The following LRRTM4 variants were observed in gnomAD, a reference collection of about 807,000 sequenced individuals.
The protein encoded by LRRTM4 is leucine-rich repeat transmembrane neuronal protein 4.
LRRTM4 carries 25 observed loss-of-function variants against 47.6 expected under a neutral mutation model. The observed-to-expected ratio is 0.53, with a 90% CI of 0.38 to 0.73. The LOEUF is 0.73. LRRTM4 is among the 30% of genes least tolerant of loss of function. The pLI, the probability that LRRTM4 is intolerant of heterozygous loss-of-function variation, is 0.00. For synonymous variants in LRRTM4, 311 were observed against 269.5 expected (o/e 1.15, Z -1.51); for missense variants, 638 against 713.4 (o/e 0.89, Z 1.20).
intron 3 of LRRTM4, among the ~76,000 whole-genome samples, chr2:76,935,599 T>TTC (rs1674919529): frequency 6.6e-6 from 1 of 152,204 alleles, no homozygotes; most frequent in African/African-American, 2.4e-5. Flanking sequence ...AGGTATTTTA[T>TTC]TCTCTTAGTA....
chr2:77,129,129 A>G, intron 3 of LRRTM4, among the ~76,000 whole-genome samples: 1 of 152,158 alleles, frequency 6.6e-6, no homozygotes. Flanking sequence ...AAATCTTTAT[A>G]TGAACATGGT....
chr2:76,910,180 GT>G (rs1239034275), intron 3 of LRRTM4, among the ~76,000 whole-genome samples: 9 of 152,116 alleles, frequency 5.9e-5, no homozygotes, highest in Admixed American at 1.3e-4. Flanking sequence ...AAAATGATAA[GT>G]TTATGTCCTT....
chr2:77,482,028 C>A (rs1474632441), intron 3 of LRRTM4, among the ~76,000 whole-genome samples: 2 of 152,024 alleles, frequency 1.3e-5, no homozygotes, highest in Non-Finnish European at 2.9e-5. Context: ...TTCTAACCAG[C>A]TAGATGAAGA....
At position 76,796,218 on chromosome 2, in the gene LRRTM4, A is replaced by C. The variant is rs561247490; in HGVS notation, c.1552-47302T>G. The stretch of plus-strand genomic sequence containing the variant: ...GCACAGCAGTCTGAGATCAAACTGC[A>C]AGGCGGCAGCCAGGCTGGGGGAGGG... On this transcript the variant is annotated intron_variant, in intron 3 of 3. Transcript: ENST00000409884. Among the ~76,000 whole-genome samples the C allele has an allele frequency of 1.2e-4, 15 of 123,990 alleles. 1 individual carries two copies. The highest frequency in any genetic ancestry group is 4.7e-4 in the African/African-American group (14 of 29,924). The allele number at this position is 123,990 out of a possible 152,430, so 81.3% of individuals were successfully genotyped here.
intron 3 of LRRTM4, among the ~76,000 whole-genome samples, chr2:77,347,761 A>C (rs1259677125): frequency 6.6e-6 from 1 of 152,134 alleles, no homozygotes; most frequent in African/African-American, 2.4e-5. Flanking sequence ...TATTGTGTTC[A>C]TGAACCTGTA....
intron 3 of LRRTM4, among the ~76,000 whole-genome samples, chr2:76,868,479 T>C (rs1672528326): frequency 6.6e-6 from 1 of 152,196 alleles, no homozygotes; most frequent in South Asian, 2.1e-4. Flanking sequence ...CTGTTCGTGG[T>C]TAATTTTTCC....
chr2:77,375,574 C>T (rs1460246691), intron 3 of LRRTM4, among the ~76,000 whole-genome samples: 1 of 151,674 alleles, frequency 6.6e-6, no homozygotes, highest in Non-Finnish European at 1.5e-5. Flanking sequence ...AAATATACAC[C>T]TGAATAACAA....
intron 3 of LRRTM4, among the ~76,000 whole-genome samples, chr2:77,146,999 T>C (rs528339129): frequency 6.6e-6 from 1 of 152,200 alleles, no homozygotes; most frequent in Non-Finnish European, 1.5e-5. Context: ...GCAAATCTGA[T>C]TTTATAAAAA....
intron 3 of LRRTM4, among the ~76,000 whole-genome samples, chr2:77,514,622 C>T (rs1271190283): frequency 6.6e-6 from 1 of 151,956 alleles, no homozygotes; most frequent in East Asian, 1.9e-4. Flanking sequence ...ACTATAGGAT[C>T]ATTAAACTTT....
chr2:77,101,740 A>T lies in LRRTM4; in HGVS notation c.1552-352824T>A, dbSNP rs908611855. On this transcript the variant is annotated intron_variant, in intron 3 of 3. Transcript: ENST00000409884. ...CAGCTAGTCATTTAGACTAATTTGGAAACTGAATATGTTAACTCTAAAGAC... is the reference window on the plus strand; with the variant it reads ...CAGCTAGTCATTTAGACTAATTTGGTAACTGAATATGTTAACTCTAAAGAC... Among the ~76,000 whole-genome samples, 3 of 152,176 alleles carry T rather than the reference A, an allele frequency of 2.0e-5. No individual in the cohort carries two copies. The South Asian group carries it at 6.2e-4, about 31-fold the overall frequency.
chr2:77,417,152 C>G (rs1419659365), intron 3 of LRRTM4, among the ~76,000 whole-genome samples: 1 of 152,168 alleles, frequency 6.6e-6, no homozygotes, highest in African/African-American at 2.4e-5. Flanking sequence ...TGCTCATCAT[C>G]ACTGGCCATC....
chr2:76,754,511 G>A (rs757293643), intron 3 of LRRTM4, among the ~76,000 whole-genome samples: 43 of 152,080 alleles, frequency 2.8e-4, no homozygotes, highest in Non-Finnish European at 5.1e-4. Flanking sequence ...TCCTCTCAGG[G>A]TCCTGTCAAT....
At chr2:76,938,394 G>A (rs1185946372) in intron 3 of LRRTM4, among the ~76,000 whole-genome samples, 1 of 151,992 alleles carries the variant, frequency 6.6e-6, no homozygotes, top group African/African-American at 2.4e-5. Context: ...AATATAAATT[G>A]TTAAAATTTT....
chr2:76,889,047 GACA>G (rs1339642263), intron 3 of LRRTM4, among the ~76,000 whole-genome samples: 3 of 151,804 alleles, frequency 2.0e-5, no homozygotes, highest in African/African-American at 7.2e-5. Flanking sequence ...GAATTAGAAT[GACA>G]ACATCACAAA....
At chr2:76,786,126 C>G (rs1392666137) in intron 3 of LRRTM4, among the ~76,000 whole-genome samples, 4 of 152,094 alleles carry the variant, frequency 2.6e-5, no homozygotes, top group Admixed American at 2.0e-4. Flanking sequence ...CATCTGGGAA[C>G]TTTGCCATAA....
intron 3 of LRRTM4, among the ~76,000 whole-genome samples, chr2:76,779,104 G>C (rs1007813378): frequency 2.7e-5 from 4 of 149,456 alleles, no homozygotes; most frequent in Admixed American, 2.7e-4. Context: ...GTTCTAGTTT[G>C]ATTGCACTGT....
intron 3 of LRRTM4, among the ~76,000 whole-genome samples, chr2:76,783,951 TG>T (rs1258371596): frequency 6.6e-6 from 1 of 152,176 alleles, no homozygotes; most frequent in Non-Finnish European, 1.5e-5. Context: ...TTAGTAAAAA[TG>T]TAGAACTGGA....
intron 3 of LRRTM4, among the ~76,000 whole-genome samples, chr2:76,756,035 T>A (rs760134501): frequency 2.6e-5 from 4 of 152,148 alleles, no homozygotes; most frequent in African/African-American, 9.7e-5. Context: ...GGCAATAAGA[T>A]ACCAAATTAT....
At chr2:77,278,901 G>T (rs1343148061) in intron 3 of LRRTM4, among the ~76,000 whole-genome samples, 1 of 151,926 alleles carries the variant, frequency 6.6e-6, no homozygotes. Context: ...TGCATAGTGT[G>T]CCCTTTGTAC....
Sources: allele counts gnomAD v4.1 joint callset (sites outside exome capture counted in the v4.1 genomes callset), GRCh38; gene constraint gnomAD v4.1.1; transcripts MANE v1.5; gene names NCBI Gene and HGNC (gene_info 2026-07-23, HGNC 2026-07-21).